The following MAD1L1 variants were observed in gnomAD, a reference collection of about 807,000 sequenced individuals.
MAD1L1 encodes the protein mitotic spindle assembly checkpoint protein MAD1.
Under a neutral mutation model 96.9 loss-of-function variants are expected in MAD1L1, and 95 were observed. That is an observed-to-expected ratio of 0.98 (90% CI 0.83 to 1.16). The LOEUF is 1.16. MAD1L1 is among the 50% of genes most tolerant of loss of function. The probability of loss-of-function intolerance (pLI) is 0.00; values close to 1 mark genes in which losing one functional copy is unlikely to be tolerated. For synonymous variants in MAD1L1, 473 were observed against 396.6 expected, an observed-to-expected ratio of 1.19 and a Z score of -2.29; for missense variants, 1,007 against 954.4, an observed-to-expected ratio of 1.06 and a Z score of -0.73.
chr7:2,023,849 C>G (rs576634127), intron 12 of MAD1L1, among the ~76,000 whole-genome samples: 2 of 151,622 alleles, frequency 1.3e-5, no homozygotes, highest in African/African-American at 4.9e-5. Flanking sequence ...CTTGGAAGAC[C>G]GAGGCAGGAG....
chr7:1,918,282 C>G (rs971578650), intron 17 of MAD1L1, among the ~76,000 whole-genome samples: 1 of 152,164 alleles, frequency 6.6e-6, no homozygotes, highest in Admixed American at 6.5e-5. Flanking sequence ...TGTCCCAGCC[C>G]TGGGACCTCA....
chr7:1,936,742 G>A lies in MAD1L1; in HGVS notation c.1752C>T (p.Val584=). The A allele has an allele frequency of 6.4e-7, 1 of 1,565,842 alleles. No homozygotes were observed. Among genetic ancestry groups the A allele is most frequent in the South Asian group, 1.2e-5 (1 of 85,346 alleles). ...CGGCGGCAGCCTCAAGGTCGGCTGG[G>A]ACGGTGCCTCCTCTCTCCATGGCGC... is the stretch of plus-strand genomic sequence containing the variant. ...LLRAMERGGT[V]PADLEAAAAS... is the part of the protein sequence containing the mutation. Residue 584 remains valine (V), a synonymous_variant, in exon 17 of 19, where the codon GTC becomes GTT. Coordinates refer to ENST00000265854, the MANE Select transcript of MAD1L1 (RefSeq NM_001013836.2).
chr7:1,907,027 C>T (rs1178372869), intron 17 of MAD1L1, among the ~76,000 whole-genome samples: 1 of 152,216 alleles, frequency 6.6e-6, no homozygotes, highest in African/African-American at 2.4e-5. Flanking sequence ...GCCCCGCCCC[C>T]AAGCCCCCAA....
In MAD1L1 at chr7:1,830,603, ATATAT is replaced by A. The variant is rs528204608; in HGVS notation, c.1999-14380_1999-14376del. ...GGGGTTTATCATGTGCATAAATAAAATATATTATAAGCAGATGACTAAGGCAGGAA... is the reference window on the plus strand; with the variant it reads ...GGGGTTTATCATGTGCATAAATAAAATATAAGCAGATGACTAAGGCAGGAA... On this transcript the variant is annotated intron_variant, in intron 18 of 18. Coordinates refer to ENST00000265854, the MANE Select transcript of MAD1L1 (RefSeq NM_001013836.2). 2.7e-3 allele frequency among the ~76,000 whole-genome samples: 410 copies of A among 152,358 alleles called. 4 individuals are homozygous for A. Among genetic ancestry groups the A allele is most frequent in the African/African-American group, 9.6e-3 (401 of 41,586 alleles).
rs565949190 is a variant in MAD1L1, at chr7:1,835,135, C to T, written c.1999-18907G>A. ...CATTCCTCAAAAAAAAAAAAAAAAT[C>T]TCAGCAAACTAGGATTAGAAGAGAA... On this transcript the variant is annotated intron_variant, in intron 18 of 18. Coordinates refer to ENST00000265854, the MANE Select transcript of MAD1L1 (RefSeq NM_001013836.2). Among the ~76,000 whole-genome samples, 12 of 148,370 alleles carry T rather than the reference C, an allele frequency of 8.1e-5. No homozygotes were observed. The South Asian group carries it at 2.5e-3, about 31-fold the overall frequency.
At chr7:2,177,393 T>A (rs1790996711) in intron 10 of MAD1L1, among the ~76,000 whole-genome samples, 1 of 152,338 alleles carries the variant, frequency 6.6e-6, no homozygotes, top group Admixed American at 6.5e-5. Flanking sequence ...AGTCTCTTCA[T>A]TTGATATGCT....
At chr7:1,817,334 G>A (rs1176973036) in intron 18 of MAD1L1, 3 of 152,204 alleles carry the variant, frequency 2.0e-5, no homozygotes, top group African/African-American at 7.2e-5. Context: ...CGCAGCCAGG[G>A]GGTCTGAGCG....
At chr7:2,083,246 T>C (rs1358896175) in intron 11 of MAD1L1, among the ~76,000 whole-genome samples, 1 of 152,220 alleles carries the variant, frequency 6.6e-6, no homozygotes, top group African/African-American at 2.4e-5. Flanking sequence ...AAGGCACCCA[T>C]TCGCCCATCA....
intron 18 of MAD1L1, among the ~76,000 whole-genome samples, chr7:1,895,355 C>T (rs1786799609): frequency 6.6e-6 from 1 of 152,170 alleles, no homozygotes; most frequent in Admixed American, 6.5e-5. Context: ...GCCCAGCCAG[C>T]ACCCCCCTGG....
chr7:1,888,300 CTA>C (rs1416696934), intron 18 of MAD1L1, among the ~76,000 whole-genome samples: 1 of 86,720 alleles, frequency 1.2e-5, no homozygotes, highest in East Asian at 3.8e-4. Context: ...ATGCATGCGT[CTA>C]TGTGACTGCC....
At chr7:2,153,367 G>A (rs1388725920) in intron 10 of MAD1L1, among the ~76,000 whole-genome samples, 3 of 151,978 alleles carry the variant, frequency 2.0e-5, no homozygotes, top group African/African-American at 4.8e-5. Context: ...ATAATCCCAC[G>A]AAAAAGTAGG....
chr7:2,016,090 C>CG (rs1782527803), intron 12 of MAD1L1, among the ~76,000 whole-genome samples: 3 of 152,116 alleles, frequency 2.0e-5, no homozygotes, highest in African/African-American at 7.2e-5. Flanking sequence ...ATGGGGTGGC[C>CG]ATGAAGACTG....
rs142946879 is a variant in MAD1L1 at position 2,112,047 on chromosome 7, G to A, written c.1073+37105C>T. Among the ~76,000 whole-genome samples the A allele has an allele frequency of 2.7e-3, 418 of 152,304 alleles. 2 individuals carry two copies. In the South Asian group the frequency reaches 0.028, roughly 10 times the overall value. On this transcript the variant is annotated intron_variant, in intron 11 of 18. Transcript: ENST00000265854. Reference sequence around the variant, plus strand: ...CGAATAAACAAGTCCCAGAGCAGCCGTGCCTGGAGCATCACTCAGCAACGA... The same window carrying A: ...CGAATAAACAAGTCCCAGAGCAGCCATGCCTGGAGCATCACTCAGCAACGA...
intron 16 of MAD1L1, among the ~76,000 whole-genome samples, chr7:1,954,103 G>A (rs577347584): frequency 2.6e-5 from 4 of 152,256 alleles, no homozygotes; most frequent in South Asian, 2.1e-4. Context: ...CTCCATCCCC[G>A]CATGTGGCCC....
At chr7:2,038,974 A>G (rs1182184871) in intron 12 of MAD1L1, among the ~76,000 whole-genome samples, 3 of 152,170 alleles carry the variant, frequency 2.0e-5, no homozygotes, top group Non-Finnish European at 2.9e-5. Flanking sequence ...TACAGTCAAG[A>G]TACAGCACAT....
chr7:2,225,400 C>A lies in MAD1L1; in HGVS notation c.291+10G>T, dbSNP rs763459475. On this transcript the variant is annotated intron_variant, in intron 4 of 18. Coordinates refer to ENST00000265854, the MANE Select transcript of MAD1L1 (RefSeq NM_001013836.2). ...CTGTCTGGGCCGACCCTCGCCCCGC[C>A]TGAACCCACCTCGTAGTTCCTGGCA... The A allele has an allele frequency of 1.2e-6, 2 of 1,612,610 alleles. No individual in the cohort carries two copies. The highest frequency in any genetic ancestry group is 1.1e-5 in the South Asian group (1 of 91,084).
At chr7:1,877,870 A>G (rs1050928406) in intron 18 of MAD1L1, among the ~76,000 whole-genome samples, 4 of 152,180 alleles carry the variant, frequency 2.6e-5, no homozygotes, top group Non-Finnish European at 5.9e-5. Flanking sequence ...ACCCCAAAAT[A>G]GGGATTAAAA....
rs1788483633 is a variant in MAD1L1, at chr7:2,130,987, C to T, written c.1073+18165G>A. On this transcript the variant is annotated intron_variant, in intron 11 of 18. Transcript: ENST00000265854. Reference sequence around the variant, plus strand: ...TGTCTACATGAATGATCCGGAACTTCCACGCTTCGGAACACTGACTTCCAT... The same window carrying T: ...TGTCTACATGAATGATCCGGAACTTTCACGCTTCGGAACACTGACTTCCAT... Among the ~76,000 whole-genome samples the T allele has an allele frequency of 2.6e-5, 4 of 152,350 alleles. No homozygotes were observed. In the South Asian group the frequency reaches 8.3e-4, roughly 32 times the overall value.
At chr7:1,962,055 C>T (rs1187417059) in intron 15 of MAD1L1, among the ~76,000 whole-genome samples, 1 of 151,906 alleles carries the variant, frequency 6.6e-6, no homozygotes, top group Non-Finnish European at 1.5e-5. Context: ...TCCCCCATAC[C>T]GTTCTCACGT....
Sources: gnomAD v4.1 joint callset for allele counts (sites outside exome capture counted in the v4.1 genomes callset) on GRCh38, gnomAD v4.1.1 for gene constraint, MANE v1.5 for transcripts, NCBI Gene and HGNC (gene_info 2026-07-23, HGNC 2026-07-21) for gene names.